Variants in LRP5 observed in about 807,000 individuals in gnomAD.
LRP5 encodes the protein LDL receptor related protein 5.
A neutral mutation model predicts 154.1 loss-of-function variants in LRP5; 62 were observed. The ratio of observed to expected loss-of-function variants is 0.40; its 90% CI spans 0.33 to 0.50. The LOEUF (loss-of-function observed/expected upper bound fraction) is 0.50, where lower values mean the gene tolerates loss of function less well. Among genes scored for constraint, LRP5 ranks in the 20% least tolerant of loss-of-function variants. The probability of loss-of-function intolerance (pLI) is 0.55; values close to 1 mark genes in which losing one functional copy is unlikely to be tolerated. For missense variants in LRP5, 1,915 were observed against 2,336.7 expected, an observed-to-expected ratio of 0.82 and a Z score of 3.72; for synonymous variants, 966 against 1,011.5, an observed-to-expected ratio of 0.96 and a Z score of 0.85.
intron 16 of LRP5, among the ~76,000 whole-genome samples, chr11:68,426,919 C>G (rs2098669096): frequency 6.6e-6 from 1 of 152,192 alleles, no homozygotes; most frequent in African/African-American, 2.4e-5. Context: ...TCTGTTTTCT[C>G]TCTGGTTATT....
Position 68,406,621 on chromosome 11 carries a change from G to C in LRP5, c.1899G>C (p.Leu633=). The part of the protein sequence containing the change: ...TRCGCPIGLE[L]LSDMKTCIVP... ...GTGGCTGCCCCATCGGCCTGGAGCT[G>C]CTGAGTGACATGAAGACCTGCATCG... The change falls in exon 9 of 23, where the codon CTG becomes CTC. Residue 633 remains leucine, a synonymous_variant. Coordinates refer to ENST00000294304, the MANE Select transcript of LRP5 (RefSeq NM_002335.4). 6.2e-7 allele frequency: 1 copy of C among 1,614,182 alleles called. No individual in the cohort carries two copies. The highest frequency in any genetic ancestry group is 8.5e-7 in the Non-Finnish European group (1 of 1,180,038).
intron 1 of LRP5, among the ~76,000 whole-genome samples, chr11:68,343,792 G>T (rs1416437844): frequency 1.3e-5 from 2 of 152,152 alleles, no homozygotes; most frequent in Admixed American, 1.3e-4. Flanking sequence ...CTGCATCCTG[G>T]GCGTGATTCC....
intron 8 of LRP5, among the ~76,000 whole-genome samples, chr11:68,405,216 C>T (rs776600492): frequency 1.2e-4 from 18 of 151,482 alleles, no homozygotes; most frequent in Non-Finnish European, 2.2e-4. Context: ...CCTGAAATCC[C>T]AGAACTTTGG....
At chr11:68,441,649 A>G (rs1380180884) in intron 21 of LRP5, among the ~76,000 whole-genome samples, 1 of 152,230 alleles carries the variant, frequency 6.6e-6, no homozygotes, top group Non-Finnish European at 1.5e-5. Flanking sequence ...CAGGCAGCTC[A>G]CGAATTCTCT....
rs138763259 is a variant in LRP5 at position 68,415,071 on chromosome 11, C to T, written c.2827+1059C>T. 7.2e-3 allele frequency among the ~76,000 whole-genome samples: 1,091 copies of T among 152,364 alleles called. 9 individuals are homozygous for T. Among genetic ancestry groups the T allele is most frequent in the African/African-American group, 0.025 (1,026 of 41,582 alleles). ...CAGACCAGCCACTGTAGCCCGCTGA[C>T]GGTGCGCTCGAAGTGCCACAGCTTC... On this transcript the variant is annotated intron_variant, in intron 12 of 22. Coordinates refer to ENST00000294304, the MANE Select transcript of LRP5 (RefSeq NM_002335.4).
upstream of LRP5, among the ~76,000 whole-genome samples, chr11:68,309,580 CTT>C (rs35335751): frequency 0.25 from 33,645 of 137,024 alleles, 4,566 homozygotes; most frequent in African/African-American, 0.39. Flanking sequence ...CTTCATAATG[CTT>C]TTTTTTTTTT....
chr11:68,373,578 A>C (rs777019104), intron 5 of LRP5, among the ~76,000 whole-genome samples: 1 of 152,072 alleles, frequency 6.6e-6, no homozygotes, highest in South Asian at 2.1e-4. Flanking sequence ...CAGTGGGACC[A>C]TGGCGGCTGC....
At chr11:68,438,809 C>A (rs1374656936) in intron 20 of LRP5, 127 bp downstream of exon 20, 7 of 796,718 alleles carry the variant, frequency 8.8e-6, no homozygotes, top group Non-Finnish European at 1.2e-5. Flanking sequence ...GCTAATCGAT[C>A]ACAGCATTCA....
intron 1 of LRP5, among the ~76,000 whole-genome samples, chr11:68,331,181 G>A (rs1259063328): frequency 1.3e-5 from 2 of 152,212 alleles, no homozygotes; most frequent in East Asian, 3.8e-4. Context: ...GGGAAGAGAC[G>A]GCAGGTTACG....
At chr11:68,346,084 C>G (rs572232324) in intron 1 of LRP5, among the ~76,000 whole-genome samples, 56 of 152,290 alleles carry the variant, frequency 3.7e-4, no homozygotes, top group African/African-American at 1.3e-3. Flanking sequence ...CTTAGTAGAT[C>G]TATGATTTGG....
chr11:68,312,690 C>G lies in LRP5; in HGVS notation c.-25C>G, dbSNP rs1363434262. ...CCATGGAGCCCGAGTGAGCGCGGCG[C>G]GGGCCCGTCCGGCCGCCGGACAACA... On this transcript the variant is annotated 5_prime_UTR_variant, in exon 1 of 23. Coordinates refer to ENST00000294304, the MANE Select transcript of LRP5 (RefSeq NM_002335.4). The G allele has an allele frequency of 1.2e-5, 12 of 985,216 alleles. No homozygotes were observed. Among genetic ancestry groups the G allele is most frequent in the Non-Finnish European group, 1.5e-5 (12 of 826,916 alleles). The allele number at this position is 985,216 out of a possible 1,614,324, so 61.0% of individuals were successfully genotyped here. A position where few individuals can be genotyped will look rare whatever the true frequency, so the allele number is the denominator to read the frequency against.
intron 9 of LRP5, among the ~76,000 whole-genome samples, 164 bp from the exon 10 acceptor site, chr11:68,409,749 CT>C (rs796161185): frequency 2.6e-5 from 4 of 151,620 alleles, no homozygotes; most frequent in African/African-American, 9.7e-5. Context: ...ACTTGGGAGG[CT>C]AAGGCTGGAG....
At chr11:68,319,072 G>A in intron 1 of LRP5, among the ~76,000 whole-genome samples, 1 of 92,248 alleles carries the variant, frequency 1.1e-5, no homozygotes, top group African/African-American at 4.1e-5. Flanking sequence ...CTGGCTCCTT[G>A]TTTTTTTTTT....
In LRP5 at chr11:68,413,388, G is replaced by A. The variant is rs2098660687; in HGVS notation, c.2504-301G>A. ...AAGGCCTGGTCTCATTGCTGTGGGA[G>A]TGAAGGATGCACAGCCAGGCCTGAC... On this transcript the variant is annotated intron_variant, in intron 11 of 22. Coordinates refer to ENST00000294304, the MANE Select transcript of LRP5 (RefSeq NM_002335.4). The surrounding 1 kb of genome is among the most constrained non-coding windows in gnomAD (Gnocchi z 5.1). Among the ~76,000 whole-genome samples, 1 of 152,216 alleles carries A rather than the reference G, an allele frequency of 6.6e-6. No homozygotes were observed. Among genetic ancestry groups the A allele is most frequent in the South Asian group, 2.1e-4 (1 of 4,822 alleles).
At chr11:68,339,019 A>G (rs1342229908) in intron 1 of LRP5, among the ~76,000 whole-genome samples, 2 of 151,048 alleles carry the variant, frequency 1.3e-5, no homozygotes, top group South Asian at 2.1e-4. Context: ...GATTACAGGC[A>G]TGTGCCACCA....
chr11:68,302,823 G>A, the LRP5 span, among the ~76,000 whole-genome samples: 2 of 152,206 alleles, frequency 1.3e-5, no homozygotes, highest in Admixed American at 1.3e-4. Context: ...GGCACAAGCT[G>A]CCCTTCCCAG....
intron 21 of LRP5, chr11:68,445,771 G>A (rs2098681114): frequency 3.8e-6 from 3 of 796,178 alleles, no homozygotes. Flanking sequence ...CCTGGACCTG[G>A]GGGGCACGTT....
At chr11:68,440,059 A>G (rs2098677350) in intron 21 of LRP5, 143 bp downstream of exon 21, 11 of 688,614 alleles carry the variant, frequency 1.6e-5, no homozygotes, top group Non-Finnish European at 2.4e-5. Context: ...CCCTTTTCAA[A>G]CCCTTCTGCT....
chr11:68,374,839 A>G (rs2098636452), intron 5 of LRP5, among the ~76,000 whole-genome samples: 1 of 152,170 alleles, frequency 6.6e-6, no homozygotes, highest in Non-Finnish European at 1.5e-5. Context: ...GGGGCGCATC[A>G]TATTCCTGGA....
Sources: gnomAD v4.1 joint callset for allele counts (sites outside exome capture counted in the v4.1 genomes callset) on GRCh38, gnomAD v4.1.1 for gene constraint, Gnocchi (gnomAD v3.1) non-coding constraint, MANE v1.5 for transcripts, NCBI Gene and HGNC (gene_info 2026-07-23, HGNC 2026-07-21) for gene names.